B9D1: variants seen among roughly 807,000 people sequenced by gnomAD.
B9D1 encodes the protein B9 domain-containing protein 1.
B9D1 carries 20 observed loss-of-function variants against 26.1 expected under a neutral mutation model. The observed-to-expected ratio is 0.77, with a 90% confidence interval of 0.54 to 1.12. The LOEUF is 1.12. Ranked by LOEUF, B9D1 falls within the 50% of genes most tolerant of loss-of-function variation. The probability of loss-of-function intolerance (pLI) is 0.00; values close to 1 mark genes in which losing one functional copy is unlikely to be tolerated. For synonymous variants in B9D1, 105 were observed against 103.1 expected (o/e 1.02, Z -0.11); for missense variants, 260 against 273.7 (o/e 0.95, Z 0.35).
At chr17:19,343,703 C>T (rs1256322169) in intron 6 of B9D1, 87 bp downstream of exon 6, 2 of 1,613,104 alleles carry the variant, frequency 1.2e-6, no homozygotes, top group Non-Finnish European at 1.7e-6. Context: ...TGGCAGGTCC[C>T]CGGCATTCAC....
At chr17:19,340,681 C>T (rs1200732475), downstream of B9D1, among the ~76,000 whole-genome samples, 4 of 149,794 alleles carry the variant, frequency 2.7e-5, no homozygotes, top group African/African-American at 9.8e-5. Flanking sequence ...TTAAGCTACT[C>T]GGGAGGCTGA....
upstream of B9D1, chr17:19,363,070 CT>C (rs1393429104): frequency 5.0e-6 from 1 of 199,784 alleles, no homozygotes; most frequent in Non-Finnish European, 1.1e-5. Context: ...GAGGGAGGCG[CT>C]GCAGAGCACG....
downstream of B9D1, among the ~76,000 whole-genome samples, chr17:19,342,109 C>A (rs1313469450): frequency 6.6e-6 from 1 of 152,180 alleles, no homozygotes; most frequent in Non-Finnish European, 1.5e-5. Flanking sequence ...CAAGGACACA[C>A]CCCTGCTCTA....
At chr17:19,344,576 G>A (rs1029496160) in intron 5 of B9D1, 11 of 230,776 alleles carry the variant, frequency 4.8e-5, no homozygotes, top group Non-Finnish European at 8.3e-5. Flanking sequence ...TCCAGCAGCC[G>A]CGGGCTTCGC....
chr17:19,342,928 G>T (rs940992431), downstream of B9D1: 1 of 298,942 alleles, frequency 3.3e-6, no homozygotes, highest in Non-Finnish European at 5.5e-6. Flanking sequence ...GCCATGCCCA[G>T]TTAGTTCAAG....
intron 1 of B9D1, among the ~76,000 whole-genome samples, chr17:19,377,538 C>G (rs1287460179): frequency 6.6e-6 from 1 of 152,178 alleles, no homozygotes; most frequent in East Asian, 1.9e-4. Flanking sequence ...AGGAGTGAAA[C>G]CAAAATTCTT....
intron 6 of B9D1, 23 bp from the exon 7 acceptor site, chr17:19,343,484 A>T (rs1259263534): frequency 6.2e-7 from 1 of 1,614,102 alleles, no homozygotes. Flanking sequence ...GGGCAGCATC[A>T]GCCAGGCTGG....
chr17:19,353,895 G>A (rs560804387), intron 3 of B9D1, among the ~76,000 whole-genome samples: 1 of 151,752 alleles, frequency 6.6e-6, no homozygotes, highest in Admixed American at 6.6e-5. Flanking sequence ...AGCCGAGATC[G>A]TGCCATTGCA....
At position 19,362,629 on chromosome 17, in the gene B9D1, C is replaced by T. The variant is rs749504872; in HGVS notation, c.-60G>A. On this transcript the variant is annotated 5_prime_UTR_variant, in exon 1 of 7. Transcript: ENST00000261499. ...GCCGCGCGCGGTTGCTAAGAGACGCCGGCGTTGCCCTAGAAACAGACGGCG... is the reference window on the plus strand; with the variant it reads ...GCCGCGCGCGGTTGCTAAGAGACGCTGGCGTTGCCCTAGAAACAGACGGCG... 2.6e-6 allele frequency: 4 copies of T among 1,563,428 alleles called. No individual in the cohort carries two copies. The highest frequency in any genetic ancestry group is 1.3e-5 in the African/African-American group (1 of 74,176).
upstream of B9D1, among the ~76,000 whole-genome samples, chr17:19,367,308 C>CTT (rs35898862): frequency 2.6e-3 from 313 of 121,468 alleles, 5 homozygotes; most frequent in South Asian, 4.0e-3. Flanking sequence ...TAAAATCAAT[C>CTT]TTTTTTTTTT....
chr17:19,335,564 G>T, downstream of B9D1: 1 of 1,339,552 alleles, frequency 7.5e-7, no homozygotes. Flanking sequence ...CGTGGGGTGG[G>T]GGGTGCTTCT....
chr17:19,362,742 C>G, upstream of B9D1: 1 of 1,489,840 alleles, frequency 6.7e-7, no homozygotes, highest in Non-Finnish European at 8.9e-7. Flanking sequence ...AGTGAACGGG[C>G]GCCGTTATAA....
At chr17:19,341,383 G>T (rs899400484), downstream of B9D1, 7 of 1,183,590 alleles carry the variant, frequency 5.9e-6, no homozygotes, top group Non-Finnish European at 7.4e-6. Context: ...CTTTTGCTCT[G>T]TGTCGTCCCA....
Position 19,343,190 on chromosome 17 carries a change from CTT to C in B9D1, c.*127_*128del. The C allele has an allele frequency of 6.7e-7, 1 of 1,498,656 alleles. No homozygotes were observed. Among genetic ancestry groups the C allele is most frequent in the South Asian group, 1.3e-5 (1 of 74,400 alleles). The allele number at this position is 1,498,656 out of a possible 1,614,324, so 92.8% of individuals were successfully genotyped here. A position where few individuals can be genotyped will look rare whatever the true frequency, so the allele number is the denominator to read the frequency against. On this transcript the variant is annotated 3_prime_UTR_variant, in exon 7 of 7. Transcript: ENST00000261499. ...AGGCCTAGGCTCTCTGAAAATGAGA[CTT>C]TATTATACAAAACTATTCTGTGTGC...
In B9D1 at chr17:19,372,727, G is replaced by A. The variant is rs777083569; in HGVS notation, c.-298+5132C>T. On this transcript the variant is annotated intron_variant, in intron 1 of 5. Transcript: ENST00000477478. This position sits in a 1 kb window ranked among gnomAD's most constrained non-coding sequence, Gnocchi z 4.4. Reference sequence around the variant, plus strand: ...AAGGATGCCCCGGCCTCCATGTGACGGAGCTGGATTCAAACCCAGGTGTTT... The same window carrying A: ...AAGGATGCCCCGGCCTCCATGTGACAGAGCTGGATTCAAACCCAGGTGTTT... Among the ~76,000 whole-genome samples, 3 of 152,174 alleles carry A rather than the reference G, an allele frequency of 2.0e-5. No homozygotes were observed. The highest frequency in any genetic ancestry group is 4.4e-5 in the Non-Finnish European group (3 of 68,030).
At chr17:19,363,609 CAG>C (rs1375407490), upstream of B9D1, 1 of 152,230 alleles carries the variant, frequency 6.6e-6, no homozygotes, top group African/African-American at 2.4e-5. Context: ...CATCTGTTGG[CAG>C]AGGTGTCAAA....
chr17:19,359,110 C>T lies in B9D1; in HGVS notation c.133-1159G>A, dbSNP rs534770751. Among the ~76,000 whole-genome samples the T allele has an allele frequency of 7.9e-5, 12 of 152,338 alleles. No homozygotes were observed. The East Asian group carries it at 2.1e-3, about 27-fold the overall frequency. ...TGCCACTGCCCTCCTCTCCCATCTC[C>T]ACTGCTGTCAGAGCCAACTGGGCTG... On this transcript the variant is annotated intron_variant, in intron 2 of 6. Transcript: ENST00000261499. The surrounding 1 kb of genome is among the most constrained non-coding windows in gnomAD (Gnocchi z 5.0).
chr17:19,338,871 G>A (rs987410918), downstream of B9D1, among the ~76,000 whole-genome samples: 7 of 152,214 alleles, frequency 4.6e-5, no homozygotes, highest in African/African-American at 1.7e-4. Flanking sequence ...TCCCCTGTAG[G>A]ATCATGAGTG....
chr17:19,347,815 C>T lies in B9D1; in HGVS notation c.310G>A (p.Gly104Arg). ...GGTGAGAAGGGCACGTGCACGGCCCCATAGCCTCGAACCACATCGTTCCCG... is the reference window on the plus strand; with the variant it reads ...GGTGAGAAGGGCACGTGCACGGCCCTATAGCCTCGAACCACATCGTTCCCG... The part of the protein sequence containing the change: ...VFGNDVVRGY[G>R]AVHVPFSPGR... The change falls in exon 4 of 7, where the codon GGG (glycine) becomes AGG (arginine). Residue 104 changes from glycine to arginine, a missense_variant. Physicochemically the swap from Gly to Arg is moderately radical, Grantham distance 125 (BLOSUM62 -2). Coordinates refer to ENST00000261499, the MANE Select transcript of B9D1 (RefSeq NM_015681.6). The surrounding 1 kb of genome is among the most constrained non-coding windows in gnomAD (Gnocchi z 4.3). 6.2e-7 allele frequency: 1 copy of T among 1,614,160 alleles called. No individual in the cohort carries two copies. The highest frequency in any genetic ancestry group is 1.1e-5 in the South Asian group (1 of 91,074).
Sources: gnomAD v4.1 joint callset for allele counts (sites outside exome capture counted in the v4.1 genomes callset) on GRCh38, gnomAD v4.1.1 for gene constraint, Gnocchi (gnomAD v3.1) non-coding constraint, MANE v1.5 for transcripts, NCBI Gene and HGNC (gene_info 2026-07-23, HGNC 2026-07-21) for gene names.